The following TAAR5 variants were observed in gnomAD, a reference collection of about 807,000 sequenced individuals.
TAAR5 encodes trace amine-associated receptor 5.
TAAR5 carries 27 observed loss-of-function variants against 21.1 expected under a neutral mutation model. The observed-to-expected ratio is 1.28, with a 90% CI of 0.94 to 1.76. The LOEUF is 1.76. Among genes scored for constraint, TAAR5 ranks in the 40% most tolerant of loss-of-function variants. TAAR5 has a pLI of 0.00. For synonymous variants in TAAR5, 203 were observed against 167.5 expected, an observed-to-expected ratio of 1.21 and a Z score of -1.64; for missense variants, 495 against 405.6, an observed-to-expected ratio of 1.22 and a Z score of -1.89.
chr6:132,589,080 A>T lies in TAAR5; in HGVS notation c.607T>A (p.Leu203Ile). The T allele has an allele frequency of 6.2e-7, 1 of 1,614,072 alleles. No homozygotes were observed. The highest frequency in any genetic ancestry group is 8.5e-7 in the Non-Finnish European group (1 of 1,179,990). ...GGGACAAAGAACAAAGGGAAGTTTA[A>T]CCAGCCCCAAAATTTATTGAGCAGC... ...QLLLNKFWGW[L>I]NFPLFFVPCL... Residue 203 changes from leucine to isoleucine, a missense_variant, in exon 1 of 1, where the codon TTA becomes ATA. Coordinates refer to ENST00000258034, the MANE Select transcript of TAAR5 (RefSeq NM_003967.3).
the TAAR5 span, among the ~76,000 whole-genome samples, chr6:132,601,983 A>T: frequency 1.4e-4 from 21 of 152,146 alleles, no homozygotes; most frequent in African/African-American, 4.1e-4. Context: ...CTCTTTTTGA[A>T]TTTTTTGAAT....
chr6:132,600,987 A>AGGAAGGAGGGAAGGAG, the TAAR5 span, among the ~76,000 whole-genome samples: 8 of 104,462 alleles, frequency 7.7e-5, no homozygotes, highest in African/African-American at 3.7e-4. Context: ...GAAAGAAGGA[A>AGGAAGGAGGGAAGGAG]GGAAGGAGGG....
At chr6:132,613,640 G>A in the TAAR5 span, among the ~76,000 whole-genome samples, 7 of 152,182 alleles carry the variant, frequency 4.6e-5, no homozygotes, top group Admixed American at 2.6e-4. Context: ...GATTTGCAAT[G>A]CAATATATCA....
At chr6:132,605,252 T>C in the TAAR5 span, among the ~76,000 whole-genome samples, 1 of 152,162 alleles carries the variant, frequency 6.6e-6, no homozygotes, top group Non-Finnish European at 1.5e-5. Context: ...GCCAGATAAC[T>C]GCAGAATCGA....
the TAAR5 span, among the ~76,000 whole-genome samples, chr6:132,612,891 C>G: frequency 4.6e-5 from 7 of 152,202 alleles, no homozygotes; most frequent in African/African-American, 1.4e-4. Flanking sequence ...ACACAGGGGA[C>G]TCTGCCACAC....
the TAAR5 span, among the ~76,000 whole-genome samples, chr6:132,615,808 T>C: frequency 6.6e-6 from 1 of 151,640 alleles, no homozygotes; most frequent in African/African-American, 2.4e-5. Context: ...ACAATTTTCA[T>C]TGCTATAATG....
the TAAR5 span, among the ~76,000 whole-genome samples, chr6:132,602,977 A>C: frequency 6.6e-6 from 1 of 152,140 alleles, no homozygotes; most frequent in Non-Finnish European, 1.5e-5. Context: ...TGCAATAAGA[A>C]ACATGGCCTT....
chr6:132,602,428 A>T, the TAAR5 span, among the ~76,000 whole-genome samples: 3 of 152,206 alleles, frequency 2.0e-5, no homozygotes, highest in Admixed American at 1.3e-4. Flanking sequence ...GGTGCAAGCT[A>T]CATCCGTTGC....
At chr6:132,608,656 G>A in the TAAR5 span, 170 of 455,898 alleles carry the variant, frequency 3.7e-4, 3 homozygotes, top group Non-Finnish European at 8.8e-5. Flanking sequence ...GGAGCCAGGG[G>A]TAAAGAAACA....
chr6:132,615,458 C>G, the TAAR5 span, among the ~76,000 whole-genome samples: 1 of 150,874 alleles, frequency 6.6e-6, no homozygotes, highest in African/African-American at 2.4e-5. Context: ...AAAAAAAAAG[C>G]CAGTTAAAAT....
the TAAR5 span, among the ~76,000 whole-genome samples, chr6:132,604,426 C>T: frequency 7.2e-5 from 11 of 151,956 alleles, no homozygotes; most frequent in South Asian, 6.3e-4. Flanking sequence ...TACAGGCATG[C>T]GTCACTGTGC....
At chr6:132,611,127 G>T in the TAAR5 span, among the ~76,000 whole-genome samples, 2 of 152,008 alleles carry the variant, frequency 1.3e-5, no homozygotes, top group Non-Finnish European at 2.9e-5. Flanking sequence ...CAGCATGAGT[G>T]GAACTGGAGG....
chr6:132,588,707 G>T lies in TAAR5; in HGVS notation c.980C>A (p.Pro327Gln). Residue 327 changes from proline to glutamine, a missense_variant, in exon 1 of 1, where the codon CCG becomes CAG. Pro to Gln is a moderately conservative substitution (Grantham distance 76, BLOSUM62 -1). Coordinates refer to ENST00000258034, the MANE Select transcript of TAAR5 (RefSeq NM_003967.3). ...GTACAAATCAACAGTGCGTGTCTGC[G>T]GTGAGAAGACCTTCTGGCTCAGTGT... ...KLTLSQKVFSPQTRTVDLYQE is the reference protein window; with the variant it reads ...KLTLSQKVFSQQTRTVDLYQE 6.2e-7 allele frequency: 1 copy of T among 1,613,792 alleles called. No homozygotes were observed. The highest frequency in any genetic ancestry group is 1.7e-5 in the Admixed American group (1 of 59,998).
At chr6:132,605,234 G>T in the TAAR5 span, among the ~76,000 whole-genome samples, 29 of 152,198 alleles carry the variant, frequency 1.9e-4, no homozygotes, top group Non-Finnish European at 3.7e-4. Flanking sequence ...TAAGAGAAAA[G>T]TGTCAACGCC....
At chr6:132,598,385 C>A in the TAAR5 span, among the ~76,000 whole-genome samples, 2 of 152,132 alleles carry the variant, frequency 1.3e-5, no homozygotes, top group African/African-American at 4.8e-5. Context: ...AGAAAATAAA[C>A]CTATCTAATT....
At chr6:132,616,418 T>C in the TAAR5 span, among the ~76,000 whole-genome samples, 2 of 152,262 alleles carry the variant, frequency 1.3e-5, no homozygotes, top group Admixed American at 1.3e-4. Flanking sequence ...CAAATAGCAA[T>C]ACAAAATGTG....
chr6:132,611,570 T>G, the TAAR5 span, among the ~76,000 whole-genome samples: 1 of 152,200 alleles, frequency 6.6e-6, no homozygotes, highest in Non-Finnish European at 1.5e-5. Context: ...ACAACTATTA[T>G]GTATCCATAG....
the TAAR5 span, among the ~76,000 whole-genome samples, chr6:132,609,505 C>A: frequency 7.2e-5 from 11 of 152,194 alleles, no homozygotes; most frequent in South Asian, 2.3e-3. Context: ...GCTGTGTATT[C>A]TTTTCTGTGT....
At chr6:132,612,995 T>C in the TAAR5 span, among the ~76,000 whole-genome samples, 1 of 152,174 alleles carries the variant, frequency 6.6e-6, no homozygotes. Flanking sequence ...ATGTTTTAAG[T>C]ATTGGGATGA....
Sources: gnomAD v4.1 joint callset for allele counts (sites outside exome capture counted in the v4.1 genomes callset) on GRCh38, gnomAD v4.1.1 for gene constraint, MANE v1.5 for transcripts, NCBI Gene and HGNC (gene_info 2026-07-23, HGNC 2026-07-21) for gene names.